SORCS1: variants seen among roughly 807,000 people sequenced by gnomAD.
SORCS1 encodes the protein sortilin related VPS10 domain containing receptor 1, also known as VPS10 domain-containing receptor SorCS1.
SORCS1 carries 60 observed loss-of-function variants against 146.1 expected under a neutral mutation model. The observed-to-expected ratio is 0.41, with a 90% CI of 0.33 to 0.51. The LOEUF (loss-of-function observed/expected upper bound fraction) is 0.51. Ranked by LOEUF, SORCS1 falls within the 20% of genes least tolerant of loss-of-function variation. The pLI, the probability that SORCS1 is intolerant of heterozygous loss-of-function variation, is 0.21. For missense variants in SORCS1, 1,352 were observed against 1,487.6 expected (o/e 0.91, Z 1.50); for synonymous variants, 637 against 584.0 (o/e 1.09, Z -1.31).
At chr10:106,593,948 T>C (rs1303316745) in intron 24 of SORCS1, among the ~76,000 whole-genome samples, 1 of 152,218 alleles carries the variant, frequency 6.6e-6, no homozygotes, top group East Asian at 1.9e-4. Flanking sequence ...TAGAAAAAAC[T>C]ACAAACATGA....
chr10:106,582,210 T>C (rs967532274), intron 24 of SORCS1, among the ~76,000 whole-genome samples: 1 of 152,092 alleles, frequency 6.6e-6, no homozygotes, highest in Non-Finnish European at 1.5e-5. Context: ...CATCCCCAGG[T>C]TGTCTTTCGA....
chr10:106,981,128 G>C (rs567747317), intron 1 of SORCS1, among the ~76,000 whole-genome samples: 3 of 152,162 alleles, frequency 2.0e-5, no homozygotes, highest in Non-Finnish European at 4.4e-5. Flanking sequence ...TATAGAAAAT[G>C]TGTTTAGGTT....
chr10:107,170,309 C>T, the SORCS1 span, among the ~76,000 whole-genome samples: 1 of 152,156 alleles, frequency 6.6e-6, no homozygotes, highest in Non-Finnish European at 1.5e-5. Flanking sequence ...GAAAAATAAA[C>T]TCAGTTTATT....
At chr10:106,817,684 G>A (rs1451448997) in intron 3 of SORCS1, among the ~76,000 whole-genome samples, 1 of 152,174 alleles carries the variant, frequency 6.6e-6, no homozygotes, top group Non-Finnish European at 1.5e-5. Flanking sequence ...GAGAATGAAA[G>A]ATACAGTACC....
At chr10:106,937,604 G>A (rs1387121704) in intron 2 of SORCS1, among the ~76,000 whole-genome samples, 2 of 152,118 alleles carry the variant, frequency 1.3e-5, no homozygotes, top group Non-Finnish European at 2.9e-5. Flanking sequence ...CATGTGGACT[G>A]TGAGTCCACT....
At chr10:107,114,638 G>C (rs1465185255) in intron 1 of SORCS1, among the ~76,000 whole-genome samples, 1 of 152,028 alleles carries the variant, frequency 6.6e-6, no homozygotes, top group Admixed American at 6.6e-5. Flanking sequence ...ACAGGCTTAT[G>C]GGTAGTATAA....
At chr10:106,753,233 C>T (rs1469345216) in intron 5 of SORCS1, among the ~76,000 whole-genome samples, 1 of 152,108 alleles carries the variant, frequency 6.6e-6, no homozygotes, top group Non-Finnish European at 1.5e-5. Flanking sequence ...AATGCAGAGG[C>T]TCAGTCTCTT....
chr10:107,052,038 T>C (rs1960173809), intron 1 of SORCS1, among the ~76,000 whole-genome samples: 1 of 152,190 alleles, frequency 6.6e-6, no homozygotes, highest in African/African-American at 2.4e-5. Context: ...CAGCCTAGGC[T>C]TGGATCTTTT....
At chr10:106,837,824 T>G (rs111666070) in intron 2 of SORCS1, among the ~76,000 whole-genome samples, 2 of 152,030 alleles carry the variant, frequency 1.3e-5, no homozygotes, top group Non-Finnish European at 2.9e-5. Context: ...GACAACTGTC[T>G]TATTGCTTTC....
intron 10 of SORCS1, among the ~76,000 whole-genome samples, chr10:106,685,792 TATTAGAAGCC>T (rs1489557895): frequency 6.6e-6 from 1 of 152,196 alleles, no homozygotes; most frequent in African/African-American, 2.4e-5. Context: ...ATTCTACATG[TATTAGAAGCC>T]ATTAGAAGGT....
At chr10:107,103,127 T>C (rs1027578400) in intron 1 of SORCS1, among the ~76,000 whole-genome samples, 29 of 152,234 alleles carry the variant, frequency 1.9e-4, no homozygotes, top group African/African-American at 7.0e-4. Flanking sequence ...TTATAAATTT[T>C]TGAATTATTA....
chr10:107,159,849 A>G (rs1392139515), intron 1 of SORCS1, among the ~76,000 whole-genome samples: 1 of 152,190 alleles, frequency 6.6e-6, no homozygotes, highest in Non-Finnish European at 1.5e-5. Flanking sequence ...CCACCGAAAA[A>G]AAAAAACTGT....
intron 13 of SORCS1, among the ~76,000 whole-genome samples, chr10:106,677,063 A>T (rs12254870): frequency 0.051 from 7,807 of 152,168 alleles, 658 homozygotes; most frequent in African/African-American, 0.18. Flanking sequence ...GTCATCAGAG[A>T]GATGGACTTG....
intron 19 of SORCS1, among the ~76,000 whole-genome samples, chr10:106,628,151 A>T (rs1322729889): frequency 6.6e-6 from 1 of 152,228 alleles, no homozygotes; most frequent in Admixed American, 6.5e-5. Flanking sequence ...GTTTCTTTGA[A>T]GCACCTCTGC....
In SORCS1 at chr10:106,704,084, G is replaced by A. The variant is rs150042233; in HGVS notation, c.1233+2461C>T. ...TGCGGGCAACTGTCAGCAGTGATCT[G>A]TGTGATGGCTATGAACAAGCAATGC... On this transcript the variant is annotated intron_variant, in intron 8 of 25. Transcript: ENST00000263054. Among the ~76,000 whole-genome samples, 500 of 152,266 alleles carry A rather than the reference G, an allele frequency of 3.3e-3. 1 individual carries two copies. Among genetic ancestry groups the A allele is most frequent in the Non-Finnish European group, 5.8e-3 (392 of 68,020 alleles).
intron 21 of SORCS1, among the ~76,000 whole-genome samples, chr10:106,613,333 C>T (rs978406466): frequency 1.3e-5 from 2 of 152,110 alleles, no homozygotes; most frequent in African/African-American, 2.4e-5. Context: ...TATCGACCAC[C>T]GTGCATGCAT....
At chr10:107,096,748 G>A (rs2134349146) in intron 1 of SORCS1, among the ~76,000 whole-genome samples, 1 of 152,254 alleles carries the variant, frequency 6.6e-6, no homozygotes, top group African/African-American at 2.4e-5. Context: ...CTGACCTCAG[G>A]TGATCGGCCC....
intron 2 of SORCS1, among the ~76,000 whole-genome samples, chr10:106,938,141 T>C (rs1953846946): frequency 6.6e-6 from 1 of 152,042 alleles, no homozygotes; most frequent in South Asian, 2.1e-4. Flanking sequence ...ATGTAGAAAC[T>C]AGGGCCTGGC....
intron 2 of SORCS1, among the ~76,000 whole-genome samples, chr10:106,891,461 C>A (rs1056809553): frequency 4.8e-5 from 7 of 147,178 alleles, no homozygotes; most frequent in Non-Finnish European, 1.0e-4. Flanking sequence ...TTCTCTTGAC[C>A]TATGTCAAGA....
Sources: allele counts gnomAD v4.1 joint callset (sites outside exome capture counted in the v4.1 genomes callset), GRCh38; gene constraint gnomAD v4.1.1; transcripts MANE v1.5; gene names NCBI Gene and HGNC (gene_info 2026-07-23, HGNC 2026-07-21).